Variants in OVCH2 observed in about 807,000 individuals in gnomAD.
OVCH2 encodes ovochymase 2.
Under a neutral mutation model 73.7 loss-of-function variants are expected in OVCH2, and 88 were observed. The ratio of observed to expected loss-of-function variants is 1.19; its 90% CI spans 1.01 to 1.43. The LOEUF is 1.43. OVCH2 is among the 40% of genes most tolerant of loss of function. The pLI, the probability that OVCH2 is intolerant of heterozygous loss-of-function variation, is 0.00. For missense variants in OVCH2, 706 were observed against 674.5 expected (o/e 1.05, Z -0.52); for synonymous variants, 265 against 234.5 (o/e 1.13, Z -1.19).
chr11:7,693,384 A>G (rs1856258555), intron 12 of OVCH2, among the ~76,000 whole-genome samples: 1 of 152,190 alleles, frequency 6.6e-6, no homozygotes, highest in South Asian at 2.1e-4. Context: ...TCCAAGTCAA[A>G]TGGTGAGCAT....
chr11:7,694,032 T>C (rs1856272559), intron 12 of OVCH2, among the ~76,000 whole-genome samples: 1 of 152,206 alleles, frequency 6.6e-6, no homozygotes, highest in South Asian at 2.1e-4. Flanking sequence ...ACCAATTTGG[T>C]TCTCCTCCCA....
At chr11:7,680,194 G>C in the OVCH2 span, among the ~76,000 whole-genome samples, 1,934 of 152,264 alleles carry the variant, frequency 0.013, 42 homozygotes, top group African/African-American at 0.045. Context: ...CATCCGAGGT[G>C]GGTGGCAGTC....
At chr11:7,691,182 G>A (rs1262253696) in intron 14 of OVCH2, 87 bp downstream of exon 14, 1 of 1,451,532 alleles carries the variant, frequency 6.9e-7, no homozygotes, top group Non-Finnish European at 9.4e-7. Flanking sequence ...AGAATCGACT[G>A]TCTCTGTGTT....
At chr11:7,690,413 C>T (rs570290486) in intron 14 of OVCH2, among the ~76,000 whole-genome samples, 7 of 152,144 alleles carry the variant, frequency 4.6e-5, no homozygotes, top group Admixed American at 2.0e-4. Flanking sequence ...TGATTTAATC[C>T]TCACTACATT....
intron 1 of OVCH2, 95 bp downstream of exon 1, chr11:7,706,212 T>G (rs1856527164): frequency 7.9e-7 from 1 of 1,266,984 alleles, no homozygotes; most frequent in Non-Finnish European, 1.1e-6. Context: ...TTGCTTCTCC[T>G]ATTTTCCCAA....
chr11:7,703,348 A>C (rs1444671944), intron 3 of OVCH2, among the ~76,000 whole-genome samples: 3 of 152,196 alleles, frequency 2.0e-5, no homozygotes, highest in African/African-American at 4.8e-5. Context: ...CCATTTCTTC[A>C]GATGCATAAT....
At chr11:7,679,143 T>C in the OVCH2 span, among the ~76,000 whole-genome samples, 1 of 152,192 alleles carries the variant, frequency 6.6e-6, no homozygotes, top group Admixed American at 6.5e-5. Context: ...CCACAACCTA[T>C]GAATGCTACC....
At position 7,700,228 on chromosome 11, in the gene OVCH2, C is replaced by T. The variant is rs1406568742; in HGVS notation, c.901+68G>A. On this transcript the variant is annotated intron_variant, in intron 7 of 15. Transcript: ENST00000533663. The stretch of plus-strand genomic sequence containing the variant: ...GTTCAGGTGCTCTGATTTGCCAGGA[C>T]TCTGCTGATGCTGTCTCTGGCCCTA... The T allele has an allele frequency of 1.7e-5, 25 of 1,495,008 alleles. No individual in the cohort carries two copies. In the Admixed American group the frequency reaches 2.5e-4, roughly 15 times the overall value. The allele number at this position is 1,495,008 out of a possible 1,614,324, so 92.6% of individuals were successfully genotyped here. A position where few individuals can be genotyped will look rare whatever the true frequency, so the allele number is the denominator to read the frequency against.
At chr11:7,698,118 T>C (rs1229776988) in intron 8 of OVCH2, among the ~76,000 whole-genome samples, 1 of 152,200 alleles carries the variant, frequency 6.6e-6, no homozygotes, top group Non-Finnish European at 1.5e-5. Flanking sequence ...AAAATCCTAC[T>C]CCTCCTTCCA....
chr11:7,703,941 C>T lies in OVCH2; in HGVS notation c.199-152G>A, dbSNP rs769478503. 5.3e-5 allele frequency among the ~76,000 whole-genome samples: 8 copies of T among 152,260 alleles called. No homozygotes were observed. The South Asian group carries it at 6.2e-4, about 12-fold the overall frequency. ...TGAAAAGATAAAGCCCAGACACTAC[C>T]GCTCAGAAAGAAGAGTGGTGCTGGC... On this transcript the variant is annotated intron_variant, in intron 2 of 15. Transcript: ENST00000533663.
At chr11:7,682,358 G>A in the OVCH2 span, among the ~76,000 whole-genome samples, 1 of 152,164 alleles carries the variant, frequency 6.6e-6, no homozygotes, top group Non-Finnish European at 1.5e-5. Context: ...TTGTTTTAAT[G>A]CCATGCAAAT....
intron 12 of OVCH2, among the ~76,000 whole-genome samples, chr11:7,692,466 G>A (rs1387752392): frequency 6.6e-6 from 1 of 152,148 alleles, no homozygotes; most frequent in African/African-American, 2.4e-5. Flanking sequence ...CTACCCAGCG[G>A]GATATAGCTG....
chr11:7,705,719 T>C (rs1401228566), intron 1 of OVCH2: 8 of 152,266 alleles, frequency 5.3e-5, no homozygotes, highest in African/African-American at 1.4e-4. Flanking sequence ...ATTTTCTAAC[T>C]GTTTCAGTTG....
At chr11:7,698,045 T>G (rs2136157447) in intron 8 of OVCH2, among the ~76,000 whole-genome samples, 1 of 152,318 alleles carries the variant, frequency 6.6e-6, no homozygotes, top group South Asian at 2.1e-4. Context: ...GACCTTTCCT[T>G]TAATAAGGAT....
rs1450166526 is a variant in OVCH2 at position 7,700,411 on chromosome 11, AC to A, written c.785del (p.Gly262ValfsTer12). 6.2e-7 allele frequency: 1 copy of A among 1,611,642 alleles called. No individual in the cohort carries two copies. The highest frequency in any genetic ancestry group is 1.1e-5 in the South Asian group (1 of 90,672). The stretch of plus-strand genomic sequence containing the variant: ...TTCTCCAGCCTCGACCACAGCCCAA[AC>A]CCCAGGAAGTCACACCAGCCAGAGT... ...AWTLAGVTSWGLGCGRGWRNN... is the reference protein window; with the variant it reads ...AWTLAGVTSWXLGCGRGWRNN... On this transcript the variant is annotated frameshift_variant, in exon 7 of 16. Coordinates refer to ENST00000533663, the MANE Select transcript of OVCH2 (RefSeq NM_198185.7). LOFTEE classifies it high-confidence loss of function.
chr11:7,691,845 T>C lies in OVCH2; in HGVS notation c.1507+57A>G, dbSNP rs1390857348. On this transcript the variant is annotated intron_variant, in intron 13 of 15. Transcript: ENST00000533663. The stretch of plus-strand genomic sequence containing the variant: ...TTGATCTGTCTCCTTTTCGTTCCCA[T>C]CTCAAGACTGGGTCCAAACACAAAC... The C allele has an allele frequency of 5.1e-6, 7 of 1,361,530 alleles. No homozygotes were observed. The Admixed American group carries it at 8.0e-5, about 15-fold the overall frequency. The allele number at this position is 1,361,530 out of a possible 1,614,324, so 84.3% of individuals were successfully genotyped here. A position where few individuals can be genotyped will look rare whatever the true frequency, so the allele number is the denominator to read the frequency against.
At chr11:7,685,097 G>A (rs983348054), downstream of OVCH2, among the ~76,000 whole-genome samples, 2 of 152,202 alleles carry the variant, frequency 1.3e-5, no homozygotes, top group Non-Finnish European at 2.9e-5. Context: ...CAAGAAACAT[G>A]AGAGTCTTGA....
intron 13 of OVCH2, among the ~76,000 whole-genome samples, chr11:7,691,675 T>C (rs996026369): frequency 6.6e-5 from 10 of 152,198 alleles, no homozygotes; most frequent in East Asian, 3.9e-4. Flanking sequence ...TTCTGACTCC[T>C]AGTTTCCTCA....
At chr11:7,683,948 C>G in the OVCH2 span, among the ~76,000 whole-genome samples, 1 of 151,776 alleles carries the variant, frequency 6.6e-6, no homozygotes, top group African/African-American at 2.4e-5. Flanking sequence ...CATTCACTAT[C>G]CCCTATTCCT....
Sources: allele counts gnomAD v4.1 joint callset (sites outside exome capture counted in the v4.1 genomes callset), GRCh38; gene constraint gnomAD v4.1.1; transcripts MANE v1.5; gene names NCBI Gene and HGNC (gene_info 2026-07-23, HGNC 2026-07-21).